VAV3: variants seen among roughly 807,000 people sequenced by gnomAD.
VAV3 encodes vav guanine nucleotide exchange factor 3.
VAV3 carries 94 observed loss-of-function variants against 131.2 expected under a neutral mutation model. The observed-to-expected ratio is 0.72, with a 90% confidence interval of 0.61 to 0.85. The LOEUF is 0.85. Ranked by LOEUF, VAV3 falls within the 40% of genes least tolerant of loss-of-function variation. The probability of loss-of-function intolerance (pLI) is 0.00; values close to 1 mark genes in which losing one functional copy is unlikely to be tolerated. For missense variants in VAV3, 939 were observed against 1,002.7 expected (o/e 0.94, Z 0.86); for synonymous variants, 349 against 342.0 (o/e 1.02, Z -0.22).
intron 2 of VAV3, among the ~76,000 whole-genome samples, chr1:107,811,289 T>C (rs1424307532): frequency 6.6e-6 from 1 of 152,130 alleles, no homozygotes; most frequent in Non-Finnish European, 1.5e-5. Context: ...CACTCACAGA[T>C]GACCTGGGGA....
At chr1:107,605,511 G>T (rs766531392) in intron 22 of VAV3, among the ~76,000 whole-genome samples, 1 of 152,112 alleles carries the variant, frequency 6.6e-6, no homozygotes, top group African/African-American at 2.4e-5. Flanking sequence ...TTAGAACCAT[G>T]AGACAAATAA....
At chr1:107,717,511 G>A (rs1285021950) in intron 15 of VAV3, among the ~76,000 whole-genome samples, 2 of 152,172 alleles carry the variant, frequency 1.3e-5, no homozygotes, top group African/African-American at 4.8e-5. Flanking sequence ...GAGTCATTCA[G>A]GAGCAGGTTG....
At chr1:107,845,028 G>A (rs1668900091) in intron 2 of VAV3, among the ~76,000 whole-genome samples, 1 of 152,158 alleles carries the variant, frequency 6.6e-6, no homozygotes, top group African/African-American at 2.4e-5. Context: ...CTCCCAGCAG[G>A]GGTCGACAGA....
intron 20 of VAV3, among the ~76,000 whole-genome samples, chr1:107,635,736 C>T (rs1654880040): frequency 6.6e-6 from 1 of 152,120 alleles, no homozygotes; most frequent in Non-Finnish European, 1.5e-5. Flanking sequence ...GCCACCATCC[C>T]AATATCCCTA....
intron 2 of VAV3, among the ~76,000 whole-genome samples, chr1:107,796,598 C>T (rs1160598585): frequency 6.6e-6 from 1 of 151,762 alleles, no homozygotes; most frequent in Admixed American, 6.6e-5. Flanking sequence ...TTTCTGACAC[C>T]TGGCTCCTTT....
chr1:107,685,183 T>C (rs1175300845), intron 18 of VAV3, among the ~76,000 whole-genome samples: 1 of 152,214 alleles, frequency 6.6e-6, no homozygotes, highest in East Asian at 1.9e-4. Context: ...CAACTCTGTG[T>C]TCTTACACCT....
At position 107,876,277 on chromosome 1, in the gene VAV3, C is replaced by T. The variant is rs150122036; in HGVS notation, c.205-1260G>A. 2.6e-5 allele frequency among the ~76,000 whole-genome samples: 4 copies of T among 152,164 alleles called. No homozygotes were observed. In the East Asian group the frequency reaches 7.7e-4, roughly 29 times the overall value. ...AGTGTGAAAGTCACGGGTACCTTGA[C>T]AAAAGCAGGCTCTATATGGAGGAGT... On this transcript the variant is annotated intron_variant, in intron 1 of 26. Coordinates refer to ENST00000370056, the MANE Select transcript of VAV3 (RefSeq NM_006113.5).
intron 25 of VAV3, among the ~76,000 whole-genome samples, chr1:107,577,975 A>G (rs1649771418): frequency 6.6e-6 from 1 of 152,196 alleles, no homozygotes; most frequent in African/African-American, 2.4e-5. Flanking sequence ...ATCTTCCAAT[A>G]TATTCTGCCT....
chr1:107,579,005 T>C, intron 25 of VAV3: 1 of 804,960 alleles, frequency 1.2e-6, no homozygotes, highest in Non-Finnish European at 1.5e-6. Flanking sequence ...ATATCTACTA[T>C]TCCTGAAGGA....
chr1:107,810,598 A>C (rs1023296881), intron 2 of VAV3, among the ~76,000 whole-genome samples: 2 of 152,368 alleles, frequency 1.3e-5, no homozygotes, highest in Non-Finnish European at 2.9e-5. Flanking sequence ...TGATGACAAG[A>C]CTAAAATCTG....
chr1:107,749,600 A>G lies in VAV3; in HGVS notation c.1260-6T>C, dbSNP rs146165527. 566 of 1,608,036 alleles carry G rather than the reference A, an allele frequency of 3.5e-4. No individual in the cohort carries two copies. In the African/African-American group the frequency reaches 7.0e-3, roughly 20 times the overall value. ...AATCAAATAAGAAGATATGCCTGGG[A>G]AAAAGAGATTGATTGATTGATTTTA... On this transcript the variant is annotated splice_polypyrimidine_tract_variant and splice_region_variant and intron_variant, in intron 13 of 26. Coordinates refer to ENST00000370056, the MANE Select transcript of VAV3 (RefSeq NM_006113.5).
At chr1:107,946,622 C>A (rs531399362) in intron 1 of VAV3, among the ~76,000 whole-genome samples, 5 of 152,238 alleles carry the variant, frequency 3.3e-5, no homozygotes, top group African/African-American at 7.2e-5. Context: ...GACAGTCATG[C>A]TATCCATAAA....
At chr1:107,921,859 T>G (rs1672915417) in intron 1 of VAV3, among the ~76,000 whole-genome samples, 1 of 152,184 alleles carries the variant, frequency 6.6e-6, no homozygotes, top group African/African-American at 2.4e-5. Context: ...AAAAAGGTAT[T>G]AAAAGTATGA....
intron 15 of VAV3, among the ~76,000 whole-genome samples, chr1:107,713,655 G>A (rs1024241064): frequency 2.0e-5 from 3 of 152,082 alleles, no homozygotes; most frequent in African/African-American, 7.2e-5. Flanking sequence ...AAAGAAAAAA[G>A]ATACACTGAA....
intron 20 of VAV3, among the ~76,000 whole-genome samples, chr1:107,627,669 T>A (rs1654129037): frequency 6.6e-6 from 1 of 152,320 alleles, no homozygotes; most frequent in Non-Finnish European, 1.5e-5. Context: ...CAACACTCCA[T>A]GAGTCATTTA....
At chr1:107,680,808 A>G (rs1263021051) in intron 19 of VAV3, among the ~76,000 whole-genome samples, 2 of 152,194 alleles carry the variant, frequency 1.3e-5, no homozygotes, top group Non-Finnish European at 2.9e-5. Flanking sequence ...GCACAGAGAG[A>G]GGAGGCAAAC....
chr1:107,874,950 CTT>C lies in VAV3; in HGVS notation c.270_271del (p.Ser91Ter). On this transcript the variant is annotated frameshift_variant, in exon 2 of 27. Transcript: ENST00000370056. LOFTEE classifies it high-confidence loss of function. The stretch of plus-strand genomic sequence containing the variant: ...CAAGTCAAATGCCTCGAAAAGTTCA[CTT>C]TTCCTCATTCCAAACGTCTCACAAC... 6.2e-7 allele frequency: 1 copy of C among 1,613,422 alleles called. No homozygotes were observed. Among genetic ancestry groups the C allele is most frequent in the Non-Finnish European group, 8.5e-7 (1 of 1,179,578 alleles).
chr1:107,909,514 C>G (rs1672266942), intron 1 of VAV3, among the ~76,000 whole-genome samples: 1 of 152,058 alleles, frequency 6.6e-6, no homozygotes, highest in Non-Finnish European at 1.5e-5. Flanking sequence ...GTTTAAAAAC[C>G]TGCTGAACCC....
intron 15 of VAV3, among the ~76,000 whole-genome samples, chr1:107,724,886 G>A (rs905551968): frequency 4.6e-5 from 1 of 21,834 alleles, no homozygotes; most frequent in African/African-American, 9.9e-5. Context: ...AATGCCATTT[G>A]TGCATATACT....
Sources: gnomAD v4.1 joint callset for allele counts (sites outside exome capture counted in the v4.1 genomes callset) on GRCh38, gnomAD v4.1.1 for gene constraint, MANE v1.5 for transcripts, NCBI Gene and HGNC (gene_info 2026-07-23, HGNC 2026-07-21) for gene names.